TDRD12: variants seen among roughly 807,000 people sequenced by gnomAD.
TDRD12 encodes tudor domain containing 12.
A neutral mutation model predicts 133.5 loss-of-function variants in TDRD12; 158 were observed. That is an observed-to-expected ratio of 1.18 (90% CI 1.04 to 1.35). The LOEUF is 1.35. Among genes scored for constraint, TDRD12 ranks in the 40% most tolerant of loss-of-function variants. The probability of loss-of-function intolerance (pLI) is 0.00; values close to 1 mark genes in which losing one functional copy is unlikely to be tolerated. For missense variants in TDRD12, 1,443 were observed against 1,321.3 expected (o/e 1.09, Z -1.43); for synonymous variants, 460 against 477.9 (o/e 0.96, Z 0.49).
At chr19:32,818,046 G>A (rs1184679581) in intron 26 of TDRD12, 43 bp from the exon 27 acceptor site, 2 of 702,196 alleles carry the variant, frequency 2.8e-6, no homozygotes, top group Admixed American at 2.0e-5. Flanking sequence ...CTCCACAGAT[G>A]CACATGATTA....
At chr19:32,815,563 A>T (rs953719288) in exon 26 of TDRD12, 1 of 1,536,240 alleles carries the variant, frequency 6.5e-7, no homozygotes, top group African/African-American at 1.4e-5. Flanking sequence ...GAACAACTGA[A>T]AAAATTACGC....
intron 18 of TDRD12, 37 bp downstream of exon 18, chr19:32,800,809 T>G: frequency 6.7e-7 from 1 of 1,490,556 alleles, no homozygotes; most frequent in Non-Finnish European, 8.9e-7. Flanking sequence ...TTCTGTTTGT[T>G]TCAACTGGTC....
At chr19:32,801,285 T>C (rs911430724) in intron 18 of TDRD12, among the ~76,000 whole-genome samples, 17 of 151,904 alleles carry the variant, frequency 1.1e-4, no homozygotes, top group Non-Finnish European at 2.4e-4. Context: ...TCAAATAAAT[T>C]GGCTAAAGAT....
At chr19:32,742,523 A>C (rs1344346988) in intron 3 of TDRD12, among the ~76,000 whole-genome samples, 1 of 152,152 alleles carries the variant, frequency 6.6e-6, no homozygotes, top group Non-Finnish European at 1.5e-5. Flanking sequence ...TGTCAATTTC[A>C]CTGATACACT....
At chr19:32,785,403 G>A (rs1409536157) in intron 11 of TDRD12, among the ~76,000 whole-genome samples, 1 of 152,182 alleles carries the variant, frequency 6.6e-6, no homozygotes, top group Non-Finnish European at 1.5e-5. Flanking sequence ...TTTAGAATAA[G>A]TGTGATGTGG....
chr19:32,753,670 ATTTTTTTTT>A (rs61178379), intron 6 of TDRD12, among the ~76,000 whole-genome samples: 1 of 130,482 alleles, frequency 7.7e-6, no homozygotes, highest in Admixed American at 7.9e-5. Context: ...CACCTGGCTA[ATTTTTTTTT>A]TTTTTTTTTT....
exon 3 of TDRD12, chr19:32,738,979 G>A (rs369906127): frequency 6.4e-7 from 1 of 1,550,526 alleles, no homozygotes. Context: ...GAACATTCCA[G>A]TCAAATCTAA....
intron 2 of TDRD12, among the ~76,000 whole-genome samples, chr19:32,733,263 G>A (rs1195367342): frequency 6.6e-6 from 1 of 152,186 alleles, no homozygotes; most frequent in African/African-American, 2.4e-5. Context: ...GAGGTCAGGA[G>A]TTCGAGACCA....
At chr19:32,791,652 G>T (rs1034039231) in intron 13 of TDRD12, among the ~76,000 whole-genome samples, 4 of 152,120 alleles carry the variant, frequency 2.6e-5, no homozygotes, top group Non-Finnish European at 5.9e-5. Flanking sequence ...CGAGGGGAGC[G>T]TGAACCACCA....
chr19:32,787,964 G>T (rs1468341867), intron 11 of TDRD12, among the ~76,000 whole-genome samples: 5 of 152,144 alleles, frequency 3.3e-5, no homozygotes, highest in African/African-American at 1.2e-4. Context: ...ACCAGTCCCA[G>T]TGAGATGAAC....
At chr19:32,758,668 C>T (rs1970064024) in intron 8 of TDRD12, among the ~76,000 whole-genome samples, 1 of 152,172 alleles carries the variant, frequency 6.6e-6, no homozygotes. Context: ...GGTGCAGTGG[C>T]TCACACCTGT....
At chr19:32,821,463 TCTC>T (rs1216046100), downstream of TDRD12, among the ~76,000 whole-genome samples, 3 of 151,826 alleles carry the variant, frequency 2.0e-5, no homozygotes, top group East Asian at 5.8e-4. Context: ...ACCCCAGCAG[TCTC>T]CTGTCCGGAA....
chr19:32,746,289 A>G (rs1969623075), intron 4 of TDRD12, among the ~76,000 whole-genome samples: 1 of 133,244 alleles, frequency 7.5e-6, no homozygotes. Context: ...TGATGTGGTT[A>G]TTCTGTGTGT....
chr19:32,764,525 A>G (rs184111168), intron 8 of TDRD12, among the ~76,000 whole-genome samples: 1 of 152,290 alleles, frequency 6.6e-6, no homozygotes, highest in Admixed American at 6.5e-5. Flanking sequence ...TGATTCAGGT[A>G]TGATCTCTCT....
At chr19:32,761,876 G>A (rs1170178357) in intron 8 of TDRD12, among the ~76,000 whole-genome samples, 2 of 152,036 alleles carry the variant, frequency 1.3e-5, no homozygotes, top group Admixed American at 6.6e-5. Context: ...AGTAGAGACG[G>A]GGTTTCACCA....
chr19:32,783,807 G>A (rs1970834396), intron 11 of TDRD12, among the ~76,000 whole-genome samples: 3 of 152,164 alleles, frequency 2.0e-5, no homozygotes, highest in South Asian at 4.1e-4. Context: ...TTTACACATT[G>A]ATTTTATATC....
intron 8 of TDRD12, among the ~76,000 whole-genome samples, chr19:32,761,430 G>A (rs774658303): frequency 7.2e-5 from 11 of 152,000 alleles, no homozygotes; most frequent in Non-Finnish European, 1.2e-4. Flanking sequence ...GCGCCTGGCC[G>A]AGAACACATT....
exon 24 of TDRD12, chr19:32,811,241 G>A (rs2145729081): frequency 6.5e-7 from 1 of 1,536,110 alleles, no homozygotes; most frequent in Non-Finnish European, 8.7e-7. Flanking sequence ...CCAAAAAGAA[G>A]ACGCCTGGGC....
At chr19:32,756,123 T>A in exon 7 of TDRD12, 1 of 1,472,654 alleles carries the variant, frequency 6.8e-7, no homozygotes, top group Non-Finnish European at 8.9e-7. Flanking sequence ...ATAAACTCAA[T>A]CCAGCACTTA....
Sources: gnomAD v4.1 joint callset for allele counts (sites outside exome capture counted in the v4.1 genomes callset) on GRCh38, gnomAD v4.1.1 for gene constraint, MANE v1.5 for transcripts, NCBI Gene and HGNC (gene_info 2026-07-23, HGNC 2026-07-21) for gene names.